Variants in ZNF277 observed in about 807,000 individuals in gnomAD.
ZNF277 encodes zinc finger protein 277, also known as nuclear receptor-interacting factor 4.
ZNF277 carries 55 observed loss-of-function variants against 60.7 expected under a neutral mutation model. That is an observed-to-expected ratio of 0.91 (90% CI 0.73 to 1.13). ZNF277 has a LOEUF of 1.13. Ranked by LOEUF, ZNF277 falls within the 50% of genes most tolerant of loss-of-function variation. The probability of loss-of-function intolerance (pLI) is 0.00; values close to 1 mark genes in which losing one functional copy is unlikely to be tolerated. For missense variants in ZNF277, 510 were observed against 523.0 expected (o/e 0.98, Z 0.24); for synonymous variants, 178 against 179.3 (o/e 0.99, Z 0.06).
intron 1 of ZNF277, among the ~76,000 whole-genome samples, chr7:112,245,501 T>C (rs1791063728): frequency 6.6e-6 from 1 of 152,190 alleles, no homozygotes. Context: ...ATAAACTATG[T>C]CATAAACACA....
chr7:112,273,699 G>C (rs1791731316), intron 1 of ZNF277, among the ~76,000 whole-genome samples: 1 of 152,082 alleles, frequency 6.6e-6, no homozygotes, highest in African/African-American at 2.4e-5. Context: ...CTCTCTGGTG[G>C]AAAAGATGTA....
At chr7:112,218,019 A>G (rs1052536221) in intron 1 of ZNF277, among the ~76,000 whole-genome samples, 1 of 152,080 alleles carries the variant, frequency 6.6e-6, no homozygotes, top group Admixed American at 6.6e-5. Context: ...CTATCCACCA[A>G]ATTATCCTTA....
chr7:112,248,837 T>C (rs896434562), intron 1 of ZNF277, among the ~76,000 whole-genome samples: 51 of 152,290 alleles, frequency 3.3e-4, no homozygotes, highest in Admixed American at 3.0e-3. Flanking sequence ...CCCTGAATTC[T>C]TAGCTCTTCT....
At chr7:112,296,051 A>G (rs1285049641) in intron 3 of ZNF277, 94 bp downstream of exon 3, 5 of 1,121,628 alleles carry the variant, frequency 4.5e-6, no homozygotes, top group African/African-American at 3.2e-5. Context: ...TTTTACTTTC[A>G]TGATAGATAA....
chr7:112,212,505 A>G (rs776207700), intron 1 of ZNF277, among the ~76,000 whole-genome samples: 2 of 152,236 alleles, frequency 1.3e-5, no homozygotes, highest in African/African-American at 2.4e-5. Context: ...TTTCATATTT[A>G]TATATTTATG....
rs565756879 is a variant in ZNF277, at chr7:112,206,839, G to A, written c.91+32G>A. On this transcript the variant is annotated intron_variant, in intron 1 of 11. Coordinates refer to ENST00000361822, the MANE Select transcript of ZNF277 (RefSeq NM_021994.3). The stretch of plus-strand genomic sequence containing the variant: ...ACGGTGCCCCGGAGGCGCGGCTGAT[G>A]TGTCTTCCTTTCTCTATGACCGGGT... The A allele has an allele frequency of 3.1e-5, 50 of 1,603,702 alleles. No individual in the cohort carries two copies. The South Asian group carries it at 5.2e-4, about 17-fold the overall frequency.
In ZNF277 at chr7:112,342,927, T is replaced by A. The variant is rs1793473315; in HGVS notation, c.*198T>A. The A allele has an allele frequency of 7.9e-6, 3 of 381,802 alleles. No individual in the cohort carries two copies. The highest frequency in any genetic ancestry group is 1.4e-5 in the Non-Finnish European group (3 of 217,358). The allele number at this position is 381,802 out of a possible 1,614,324, so 23.7% of individuals were successfully genotyped here. A position where few individuals can be genotyped will look rare whatever the true frequency, so the allele number is the denominator to read the frequency against. On this transcript the variant is annotated 3_prime_UTR_variant, in exon 12 of 12. Coordinates refer to ENST00000361822, the MANE Select transcript of ZNF277 (RefSeq NM_021994.3). ...CACTTACTAAGAACATGAAAAAAAA[T>A]GAAGTAGGAAAATAAGATGAAGACT...
intron 10 of ZNF277, among the ~76,000 whole-genome samples, chr7:112,340,114 GCTT>G (rs544298673): frequency 1.6e-3 from 250 of 152,256 alleles, no homozygotes; most frequent in African/African-American, 5.7e-3. Context: ...ATATATGAGT[GCTT>G]CAAGTGAAAT....
rs769030489 is a variant in ZNF277, at chr7:112,318,165, C to A, written c.466-17C>A. 13 of 1,599,158 alleles carry A rather than the reference C, an allele frequency of 8.1e-6. No homozygotes were observed. In the Admixed American group the frequency reaches 2.0e-4, roughly 25 times the overall value. ...TGTGCATTAAGATAATACCATAAATCTGTTTCTACTTTCCAGAGAGAAATT... is the reference window on the plus strand; with the variant it reads ...TGTGCATTAAGATAATACCATAAATATGTTTCTACTTTCCAGAGAGAAATT... On this transcript the variant is annotated splice_polypyrimidine_tract_variant and intron_variant, in intron 4 of 11. Transcript: ENST00000361822.
intron 7 of ZNF277, among the ~76,000 whole-genome samples, chr7:112,334,212 G>T (rs1283426587): frequency 1.3e-5 from 2 of 152,066 alleles, no homozygotes; most frequent in Non-Finnish European, 2.9e-5. Flanking sequence ...AGTGTGATGG[G>T]TGAAGGGGAT....
intron 1 of ZNF277, among the ~76,000 whole-genome samples, chr7:112,264,866 A>C (rs144517197): frequency 7.3e-4 from 111 of 152,300 alleles, no homozygotes; most frequent in African/African-American, 2.6e-3. Flanking sequence ...ATTGGTAAAA[A>C]ATGCTTACGC....
chr7:112,286,731 A>G (rs1354790001), intron 1 of ZNF277, 142 bp from the exon 2 acceptor site: 1 of 697,412 alleles, frequency 1.4e-6, no homozygotes, highest in Non-Finnish European at 2.3e-6. Flanking sequence ...CCTACTCTCC[A>G]GCACTATGTA....
intron 1 of ZNF277, among the ~76,000 whole-genome samples, chr7:112,209,995 C>T (rs969695540): frequency 6.6e-5 from 10 of 152,044 alleles, no homozygotes; most frequent in African/African-American, 9.7e-5. Flanking sequence ...CCGGGCCTGT[C>T]GTGGGGTTGG....
chr7:112,320,602 T>C (rs1792955717), intron 5 of ZNF277, among the ~76,000 whole-genome samples: 2 of 152,188 alleles, frequency 1.3e-5, no homozygotes, highest in South Asian at 4.2e-4. Flanking sequence ...CTTGTTACCA[T>C]ACATCTACTT....
At chr7:112,258,157 G>GT (rs1402377281) in intron 1 of ZNF277, among the ~76,000 whole-genome samples, 1 of 152,060 alleles carries the variant, frequency 6.6e-6, no homozygotes, top group Non-Finnish European at 1.5e-5. Flanking sequence ...TAAATTTGGC[G>GT]TGAGAGTTGC....
intron 2 of ZNF277, among the ~76,000 whole-genome samples, chr7:112,293,535 A>G (rs944328990): frequency 2.0e-5 from 3 of 148,552 alleles, no homozygotes; most frequent in Admixed American, 6.8e-5. Flanking sequence ...AGCTGAGATC[A>G]CTCCACTGCA....
intron 1 of ZNF277, among the ~76,000 whole-genome samples, chr7:112,242,832 T>G (rs1284253272): frequency 6.6e-6 from 1 of 152,034 alleles, no homozygotes; most frequent in Non-Finnish European, 1.5e-5. Flanking sequence ...AAAATTCACA[T>G]GGAACCACAA....
chr7:112,330,825 C>G (rs1267150274), intron 7 of ZNF277, among the ~76,000 whole-genome samples: 1 of 152,132 alleles, frequency 6.6e-6, no homozygotes. Flanking sequence ...CTCAAGTGAA[C>G]CACCAGCCTT....
chr7:112,330,147 G>GA lies in ZNF277; in HGVS notation c.738dup (p.Gln247ThrfsTer4), dbSNP rs749826488. 6.2e-7 allele frequency: 1 copy of GA among 1,613,210 alleles called. No homozygotes were observed. Among genetic ancestry groups the GA allele is most frequent in the East Asian group, 2.2e-5 (1 of 44,780 alleles). On this transcript the variant is annotated frameshift_variant, in exon 7 of 12. Coordinates refer to ENST00000361822, the MANE Select transcript of ZNF277 (RefSeq NM_021994.3). LOFTEE classifies it high-confidence loss of function. ...AAAATACACTTAAAGATCACATGAGGAAAAAACAGCATCGTAAGATTAATC... is the reference window on the plus strand; with the variant it reads ...AAAATACACTTAAAGATCACATGAGGAAAAAAACAGCATCGTAAGATTAATC...
Sources: gnomAD v4.1 joint callset for allele counts (sites outside exome capture counted in the v4.1 genomes callset) on GRCh38, gnomAD v4.1.1 for gene constraint, MANE v1.5 for transcripts, NCBI Gene and HGNC (gene_info 2026-07-23, HGNC 2026-07-21) for gene names.